Variants in PDE8B observed in about 807,000 individuals in gnomAD.
PDE8B encodes high affinity cAMP-specific and IBMX-insensitive 3',5'-cyclic phosphodiesterase 8B.
Under a neutral mutation model 101.3 loss-of-function variants are expected in PDE8B, and 26 were observed. The ratio of observed to expected loss-of-function variants is 0.26; its 90% CI spans 0.19 to 0.36. The LOEUF is 0.36. PDE8B is among the 10% of genes least tolerant of loss of function. The pLI is 1.00. For missense variants in PDE8B, 810 were observed against 1,163.1 expected (o/e 0.70, Z 4.42); for synonymous variants, 424 against 429.3 (o/e 0.99, Z 0.15).
At chr5:77,190,247 T>C in the PDE8B span, among the ~76,000 whole-genome samples, 1 of 152,218 alleles carries the variant, frequency 6.6e-6, no homozygotes, top group Non-Finnish European at 1.5e-5. Context: ...TTCCAGGGAG[T>C]TCTAAGGCCA....
intron 1 of PDE8B, chr5:77,290,655 G>A: frequency 6.6e-7 from 1 of 1,508,858 alleles, no homozygotes; most frequent in Non-Finnish European, 9.2e-7. Flanking sequence ...TGACTATGCT[G>A]TTGGTTTATC....
At chr5:77,153,507 TTTAC>T in the PDE8B span, among the ~76,000 whole-genome samples, 3 of 152,160 alleles carry the variant, frequency 2.0e-5, no homozygotes, top group African/African-American at 7.2e-5. Context: ...GGACAGTTTA[TTTAC>T]TTACTTATTT....
intron 7 of PDE8B, among the ~76,000 whole-genome samples, chr5:77,347,872 G>A (rs1780421010): frequency 6.6e-6 from 1 of 152,198 alleles, no homozygotes; most frequent in Non-Finnish European, 1.5e-5. Flanking sequence ...TCAGCAGCCT[G>A]CAGAGGTGGC....
At chr5:77,213,420 A>G (rs1263772580) in intron 1 of PDE8B, among the ~76,000 whole-genome samples, 2 of 152,220 alleles carry the variant, frequency 1.3e-5, no homozygotes, top group Non-Finnish European at 2.9e-5. Context: ...TTATCACAGA[A>G]CTGCCCTAAT....
At chr5:77,417,025 C>T (rs1010099510) in intron 17 of PDE8B, among the ~76,000 whole-genome samples, 8 of 152,016 alleles carry the variant, frequency 5.3e-5, no homozygotes, top group African/African-American at 1.9e-4. Flanking sequence ...TGGACAATTC[C>T]TGCTTCTCCT....
Position 77,400,755 on chromosome 5 carries a change from G to A in PDE8B, c.1210+465G>A, listed in dbSNP as rs57596960. Among the ~76,000 whole-genome samples, 884 of 152,206 alleles carry A rather than the reference G, an allele frequency of 5.8e-3. 7 individuals are homozygous for A. Among genetic ancestry groups the A allele is most frequent in the African/African-American group, 0.02 (849 of 41,510 alleles). On this transcript the variant is annotated intron_variant, in intron 11 of 21. Transcript: ENST00000264917. ...AAGTTCCTATTTCAGTTTCCTACTCGCTCATTTCATATGTTGGGCAAGACT... is the reference window on the plus strand; with the variant it reads ...AAGTTCCTATTTCAGTTTCCTACTCACTCATTTCATATGTTGGGCAAGACT...
In PDE8B at chr5:77,320,483, G is replaced by T. The variant is rs144389502; in HGVS notation, c.400-5056G>T. Among the ~76,000 whole-genome samples, 134 of 152,170 alleles carry T rather than the reference G, an allele frequency of 8.8e-4. 1 individual carries two copies. The East Asian group carries it at 0.025, about 28-fold the overall frequency. On this transcript the variant is annotated intron_variant, in intron 2 of 21. Transcript: ENST00000264917. ...CGATGTGACAAAACTACTTCCTTCT[G>T]CTTGTTCTCCTGTGCTTGGATTCTT...
In PDE8B at chr5:77,313,782, A is replaced by T. The variant is rs542218643; in HGVS notation, c.399+1729A>T. Among the ~76,000 whole-genome samples, 3 of 152,260 alleles carry T rather than the reference A, an allele frequency of 2.0e-5. No homozygotes were observed. In the East Asian group the frequency reaches 5.8e-4, roughly 29 times the overall value. On this transcript the variant is annotated intron_variant, in intron 2 of 21. Transcript: ENST00000264917. ...ATTGTGGATACTGTTTAAGCCCTTT[A>T]TTTATCCCTTTGCTACCCCTTTCTT...
upstream of PDE8B, among the ~76,000 whole-genome samples, chr5:77,206,812 G>C (rs1288713700): frequency 1.3e-5 from 2 of 152,150 alleles, no homozygotes; most frequent in African/African-American, 4.8e-5. Flanking sequence ...ATTTCAGGGT[G>C]GTTCTGTTGT....
chr5:77,340,071 A>C (rs1478301993), intron 6 of PDE8B, among the ~76,000 whole-genome samples: 1 of 152,202 alleles, frequency 6.6e-6, no homozygotes, highest in Non-Finnish European at 1.5e-5. Context: ...TATCATGAAA[A>C]GATCTATTTT....
intron 1 of PDE8B, among the ~76,000 whole-genome samples, chr5:77,262,562 C>T (rs1396117347): frequency 6.6e-6 from 1 of 152,330 alleles, no homozygotes; most frequent in East Asian, 1.9e-4. Context: ...ACCTTATTAT[C>T]AGGTGCATAT....
intron 1 of PDE8B, among the ~76,000 whole-genome samples, chr5:77,306,102 TAAC>T (rs781134323): frequency 1.5e-4 from 23 of 152,162 alleles, no homozygotes; most frequent in Non-Finnish European, 3.1e-4. Flanking sequence ...CCAGCCCTGT[TAAC>T]AGACTACCAG....
intron 1 of PDE8B, among the ~76,000 whole-genome samples, chr5:77,279,801 G>C (rs1470049719): frequency 1.3e-5 from 2 of 152,188 alleles, no homozygotes; most frequent in Non-Finnish European, 2.9e-5. Context: ...GTGCCTCTCT[G>C]AACCAACTTT....
intron 6 of PDE8B, among the ~76,000 whole-genome samples, chr5:77,337,600 A>G (rs1581120492): frequency 6.6e-6 from 1 of 152,212 alleles, no homozygotes; most frequent in South Asian, 2.1e-4. Flanking sequence ...TTAGATCGAG[A>G]TTAGGAATAG....
intron 10 of PDE8B, among the ~76,000 whole-genome samples, chr5:77,384,390 G>A (rs1349538930): frequency 6.6e-6 from 1 of 152,052 alleles, no homozygotes; most frequent in Non-Finnish European, 1.5e-5. Flanking sequence ...TGAGACGATG[G>A]GTTTTCTAAA....
the PDE8B span, among the ~76,000 whole-genome samples, chr5:77,121,228 T>C: frequency 9.6e-4 from 146 of 152,294 alleles, no homozygotes; most frequent in Middle Eastern, 3.4e-3. Flanking sequence ...GAAAACTTGA[T>C]TGGGGCTGAA....
the PDE8B span, among the ~76,000 whole-genome samples, chr5:77,123,662 G>C: frequency 2.6e-5 from 4 of 152,168 alleles, no homozygotes; most frequent in African/African-American, 7.2e-5. Context: ...GGGAGGTTGA[G>C]GGGGAGGATC....
At chr5:77,097,685 TTATATATCTATATATATATATCTATATA>T in the PDE8B span, among the ~76,000 whole-genome samples, 8 of 18,116 alleles carry the variant, frequency 4.4e-4, 1 homozygote, top group South Asian at 3.3e-3. Context: ...TGTGGAGATT[TTATATATCTATATATATATATCTATATA>T]TATATATATA....
chr5:77,142,035 T>C, the PDE8B span: 2 of 152,164 alleles, frequency 1.3e-5, no homozygotes, highest in African/African-American at 4.8e-5. Flanking sequence ...TGCATGTCAT[T>C]GATATAAATT....
Sources: gnomAD v4.1 joint callset for allele counts (sites outside exome capture counted in the v4.1 genomes callset) on GRCh38, gnomAD v4.1.1 for gene constraint, MANE v1.5 for transcripts, NCBI Gene and HGNC (gene_info 2026-07-23, HGNC 2026-07-21) for gene names.